The following PIK3C2B variants were observed in gnomAD, a reference collection of about 807,000 sequenced individuals.
PIK3C2B encodes the protein phosphatidylinositol 4-phosphate 3-kinase C2 domain-containing subunit beta.
A neutral mutation model predicts 184.3 loss-of-function variants in PIK3C2B; 83 were observed. The ratio of observed to expected loss-of-function variants is 0.45; its 90% CI spans 0.38 to 0.54. The LOEUF (loss-of-function observed/expected upper bound fraction) is 0.54, where lower values mean the gene tolerates loss of function less well. Among genes scored for constraint, PIK3C2B ranks in the 20% least tolerant of loss-of-function variants. The pLI is 0.00. For synonymous variants in PIK3C2B, 779 were observed against 837.6 expected (o/e 0.93, Z 1.21); for missense variants, 1,736 against 2,113.5 (o/e 0.82, Z 3.50).
rs578088644 is a variant in PIK3C2B, at chr1:204,433,308, C to T, written c.3953+8G>A. The T allele has an allele frequency of 1.4e-6, 2 of 1,444,928 alleles. No individual in the cohort carries two copies. The highest frequency in any genetic ancestry group is 2.3e-5 in the South Asian group (2 of 87,562). The allele number at this position is 1,444,928 out of a possible 1,614,324, so 89.5% of individuals were successfully genotyped here. On this transcript the variant is annotated splice_region_variant and intron_variant, in intron 26 of 32. Transcript: ENST00000684373. The surrounding 1 kb of genome is among the most constrained non-coding windows in gnomAD (Gnocchi z 5.0). Reference sequence around the variant, plus strand: ...GGCAGTGCTGATTCGCTCAGGGAATCATTTTACCTAGTGAAGTAGGTAGTG... The same window carrying T: ...GGCAGTGCTGATTCGCTCAGGGAATTATTTTACCTAGTGAAGTAGGTAGTG...
At position 204,453,853 on chromosome 1, in the gene PIK3C2B, A is replaced by T. The variant is rs1055066365; in HGVS notation, c.2066+816T>A. Among the ~76,000 whole-genome samples, 5 of 151,466 alleles carry T rather than the reference A, an allele frequency of 3.3e-5. No homozygotes were observed. The South Asian group carries it at 6.2e-4, about 19-fold the overall frequency. ...CAATGGCACGATCTCAGCTCACTAC[A>T]ACCTCCACCTCCCGGGTTCAAGCGA... On this transcript the variant is annotated intron_variant, in intron 12 of 32. Transcript: ENST00000684373.
chr1:204,450,110 GATACAGCCTCCCT>G, intron 12 of PIK3C2B, 93 bp from the exon 13 acceptor site: 29 of 1,063,328 alleles, frequency 2.7e-5, no homozygotes, highest in Non-Finnish European at 3.7e-5. Flanking sequence ...TGAGGCTGAG[GATACAGCCTCCCT>G]CTCAGGGTTC....
chr1:204,453,504 T>C (rs1026555122), intron 12 of PIK3C2B, among the ~76,000 whole-genome samples: 1 of 152,166 alleles, frequency 6.6e-6, no homozygotes. Context: ...ATTTCTCAGT[T>C]TGAAAAAATG....
chr1:204,457,040 G>A lies in PIK3C2B; in HGVS notation c.1744C>T (p.Arg582Ter). ...AGATGGAGAGCAGTTCCCTTACCTC[G>A]GTTTTCCCTCACAGCCAAGACACTG... ...DPSVLAVREN[R>*]EKVVEALTAA... The change falls in exon 10 of 33, where the codon CGA becomes TGA. Residue 582 changes from arginine to a stop codon, truncating the protein, a stop_gained. Coordinates refer to ENST00000684373, the MANE Select transcript of PIK3C2B (RefSeq NM_001377334.1). LOFTEE classifies it high-confidence loss of function. The A allele has an allele frequency of 2.6e-6, 4 of 1,567,132 alleles. No homozygotes were observed. The highest frequency in any genetic ancestry group is 2.6e-6 in the Non-Finnish European group (3 of 1,154,392).
At position 204,460,314 on chromosome 1, in the gene PIK3C2B, C is replaced by T; in HGVS notation, c.1502+10G>A. ...GTTTGGAGCACATCCAAGATGGTGC[C>T]CACACTCACCTGCTGATGGTCTGCT... On this transcript the variant is annotated intron_variant, in intron 7 of 32. Coordinates refer to ENST00000684373, the MANE Select transcript of PIK3C2B (RefSeq NM_001377334.1). 2 of 1,606,920 alleles carry T rather than the reference C, an allele frequency of 1.2e-6. No individual in the cohort carries two copies. Among genetic ancestry groups the T allele is most frequent in the Non-Finnish European group, 1.7e-6 (2 of 1,173,616 alleles).
chr1:204,468,769 G>T (rs1327999076), intron 2 of PIK3C2B, 101 bp downstream of exon 2: 1 of 1,097,548 alleles, frequency 9.1e-7, no homozygotes, highest in Non-Finnish European at 1.3e-6. Context: ...GCCTAAAGGG[G>T]TAAGGACTTG....
intron 8 of PIK3C2B, 49 bp from the exon 9 acceptor site, chr1:204,457,923 T>C (rs1467428817): frequency 1.3e-6 from 2 of 1,584,634 alleles, no homozygotes; most frequent in East Asian, 4.5e-5. Context: ...CTCATGCTCT[T>C]GGTCTCCAAC....
chr1:204,427,582 C>T, intron 31 of PIK3C2B, 66 bp downstream of exon 31: 2 of 1,063,620 alleles, frequency 1.9e-6, no homozygotes, highest in Non-Finnish European at 2.9e-6. Flanking sequence ...CAGAGAAGGT[C>T]TGCCCAAAAA....
At chr1:204,484,883 C>T (rs1431309382) in intron 1 of PIK3C2B, among the ~76,000 whole-genome samples, 1 of 152,068 alleles carries the variant, frequency 6.6e-6, no homozygotes, top group African/African-American at 2.4e-5. Context: ...AACAAACACA[C>T]CCCACAGTTT....
chr1:204,434,046 C>T (rs1016558465), intron 24 of PIK3C2B, 97 bp from the exon 25 acceptor site: 22 of 932,460 alleles, frequency 2.4e-5, no homozygotes, highest in Non-Finnish European at 2.7e-5. Context: ...TCCCTCATCA[C>T]GTGGACACAC....
chr1:204,441,434 C>T, intron 21 of PIK3C2B, 37 bp downstream of exon 21: 12 of 1,417,578 alleles, frequency 8.5e-6, no homozygotes, highest in Non-Finnish European at 1.2e-5. Context: ...TTCTCTCTCC[C>T]ACCCTGGTCC....
intron 1 of PIK3C2B, chr1:204,490,233 T>G: frequency 3.3e-6 from 1 of 301,698 alleles, no homozygotes; most frequent in Non-Finnish European, 6.1e-6. Flanking sequence ...TGCTAAGGCT[T>G]CCTTCAGCCA....
At chr1:204,457,934 C>T (rs748246594) in intron 8 of PIK3C2B, 60 bp from the exon 9 acceptor site, 174 of 1,476,694 alleles carry the variant, frequency 1.2e-4, no homozygotes, top group Admixed American at 4.5e-4. Flanking sequence ...GGTCTCCAAC[C>T]CCTCCCCACC....
At chr1:204,478,348 G>A (rs1656875144) in intron 1 of PIK3C2B, among the ~76,000 whole-genome samples, 1 of 152,052 alleles carries the variant, frequency 6.6e-6, no homozygotes, top group Non-Finnish European at 1.5e-5. Flanking sequence ...CCCTCCCACA[G>A]CCCGGCTCTA....
chr1:204,466,854 C>T (rs771080669), intron 2 of PIK3C2B: 1 of 533,084 alleles, frequency 1.9e-6, no homozygotes. Flanking sequence ...GCAGGGGTAT[C>T]AGGCTGGCAT....
At chr1:204,482,171 T>C (rs369472404) in intron 1 of PIK3C2B, among the ~76,000 whole-genome samples, 8 of 150,192 alleles carry the variant, frequency 5.3e-5, no homozygotes, top group African/African-American at 2.0e-4. Context: ...CTCCCCCTGG[T>C]CTCTGCTCCT....
At chr1:204,441,588 G>C in intron 20 of PIK3C2B, 25 bp from the exon 21 acceptor site, 1 of 1,543,220 alleles carries the variant, frequency 6.5e-7, no homozygotes, top group Non-Finnish European at 8.9e-7. Context: ...AGATAGTGAC[G>C]AGGGTCAGAG....
Position 204,470,030 on chromosome 1 carries a change from G to GA in PIK3C2B, c.-84-145dup, listed in dbSNP as rs1209305117. 3 of 562,406 alleles carry GA rather than the reference G, an allele frequency of 5.3e-6. No individual in the cohort carries two copies. The Admixed American group carries it at 1.0e-4, about 19-fold the overall frequency. 34.8% of individuals were successfully genotyped at this position (562,406 alleles called of 1,614,324 possible). On this transcript the variant is annotated intron_variant, in intron 1 of 32. Transcript: ENST00000684373. Reference sequence around the variant, plus strand: ...TAATGGAATGTACAGGAAGATGGAGGAAAAAAGGGATACCAAGACAACTTT... The same window carrying GA: ...TAATGGAATGTACAGGAAGATGGAGGAAAAAAAGGGATACCAAGACAACTTT...
At chr1:204,476,935 A>G (rs1656757200) in intron 1 of PIK3C2B, among the ~76,000 whole-genome samples, 2 of 152,076 alleles carry the variant, frequency 1.3e-5, no homozygotes, top group African/African-American at 4.8e-5. Context: ...TTCTTTCACC[A>G]CCTGCCTGCA....
Sources: allele counts gnomAD v4.1 joint callset (sites outside exome capture counted in the v4.1 genomes callset), GRCh38; gene constraint gnomAD v4.1.1; non-coding constraint Gnocchi (gnomAD v3.1); transcripts MANE v1.5; gene names NCBI Gene and HGNC (gene_info 2026-07-23, HGNC 2026-07-21).